The following DSE variants were observed in gnomAD, a reference collection of about 807,000 sequenced individuals.
The protein encoded by DSE is dermatan-sulfate epimerase.
A neutral mutation model predicts 84.4 loss-of-function variants in DSE; 36 were observed. The ratio of observed to expected loss-of-function variants is 0.43; its 90% CI spans 0.33 to 0.56. The LOEUF (loss-of-function observed/expected upper bound fraction) is 0.56. Ranked by LOEUF, DSE falls within the 20% of genes least tolerant of loss-of-function variation. DSE has a pLI of 0.06. For synonymous variants in DSE, 410 were observed against 430.1 expected, an observed-to-expected ratio of 0.95 and a Z score of 0.58; for missense variants, 862 against 1,169.6, an observed-to-expected ratio of 0.74 and a Z score of 3.84.
chr6:116,350,912 GAAA>G (rs57384750), intron 2 of DSE, among the ~76,000 whole-genome samples: 1 of 141,560 alleles, frequency 7.1e-6, no homozygotes, highest in African/African-American at 2.5e-5. Flanking sequence ...CTTCCTTTTG[GAAA>G]AAAAAAAAAA....
intron 2 of DSE, among the ~76,000 whole-genome samples, chr6:116,356,978 A>G (rs1778611060): frequency 6.6e-6 from 1 of 152,184 alleles, no homozygotes; most frequent in African/African-American, 2.4e-5. Flanking sequence ...ACCATCTCAC[A>G]TTATTAGTTT....
intron 2 of DSE, among the ~76,000 whole-genome samples, chr6:116,313,787 A>G (rs745775033): frequency 6.6e-6 from 1 of 152,206 alleles, no homozygotes; most frequent in Non-Finnish European, 1.5e-5. Context: ...AATAAAGAAC[A>G]GATTTTAACT....
intron 2 of DSE, among the ~76,000 whole-genome samples, chr6:116,327,190 G>C (rs562066710): frequency 2.0e-5 from 3 of 152,156 alleles, no homozygotes; most frequent in Admixed American, 2.0e-4. Context: ...TTCTGCTCCA[G>C]AACAAACTCT....
intron 3 of DSE, among the ~76,000 whole-genome samples, chr6:116,430,365 T>C (rs183656063): frequency 1.6e-4 from 25 of 152,362 alleles, no homozygotes; most frequent in Admixed American, 1.6e-3. Context: ...AGATAAACTT[T>C]TAAAAATATT....
intron 1 of DSE, among the ~76,000 whole-genome samples, chr6:116,384,152 T>G (rs1780431314): frequency 6.6e-6 from 1 of 152,174 alleles, no homozygotes; most frequent in Admixed American, 6.6e-5. Flanking sequence ...CACTTTAAAT[T>G]TCAAAACAGA....
intron 2 of DSE, among the ~76,000 whole-genome samples, chr6:116,418,840 T>C (rs3777995): frequency 0.72 from 109,000 of 151,794 alleles, 39,518 homozygotes; most frequent in Admixed American, 0.78. Flanking sequence ...ACTGTGTGGC[T>C]CTGAACAAGT....
intron 2 of DSE, among the ~76,000 whole-genome samples, chr6:116,284,308 G>A (rs1286132371): frequency 6.6e-6 from 1 of 152,072 alleles, no homozygotes; most frequent in Admixed American, 6.5e-5. Flanking sequence ...ACAACATCCA[G>A]TGTGTCACAT....
At chr6:116,391,826 C>T (rs1450296090) in intron 1 of DSE, among the ~76,000 whole-genome samples, 9 of 150,398 alleles carry the variant, frequency 6.0e-5, no homozygotes, top group East Asian at 1.9e-4. Flanking sequence ...TCTGAGTCCA[C>T]GGGCTTTACA....
rs1369816665 is a variant in DSE at position 116,435,638 on chromosome 6, A to G, written c.1170A>G (p.Thr390=). 5.6e-6 allele frequency: 9 copies of G among 1,613,366 alleles called. No individual in the cohort carries two copies. Among genetic ancestry groups the G allele is most frequent in the East Asian group, 2.2e-5 (1 of 44,874 alleles). The part of the protein sequence containing the change: ...SVPPPDFGTP[T]LHYFEDWGVV... ...CTCCTCCAGACTTTGGCACCCCTAC[A>G]CTGCATTATTTTGAAGACTGGGGTG... The change falls in exon 6 of 6, where the codon ACA becomes ACG. Residue 390 remains threonine, a synonymous_variant. Transcript: ENST00000644252.
At chr6:116,266,418 G>T (rs574394522) in intron 2 of DSE, among the ~76,000 whole-genome samples, 65 of 152,248 alleles carry the variant, frequency 4.3e-4, no homozygotes, top group Middle Eastern at 3.4e-3. Context: ...ATCAAAACTT[G>T]CAGAATGAGT....
chr6:116,258,548 T>C, exon 2 of DSE: 1 of 1,452,140 alleles, frequency 6.9e-7, no homozygotes, highest in Non-Finnish European at 9.7e-7. Flanking sequence ...TTCTTCTTAA[T>C]GGCATAGGAG....
In DSE at chr6:116,258,273, C is replaced by T. The variant is rs1231672627; in HGVS notation, c.-575-173C>T. Among the ~76,000 whole-genome samples, 7 of 152,270 alleles carry T rather than the reference C, an allele frequency of 4.6e-5. No individual in the cohort carries two copies. The East Asian group carries it at 1.4e-3, about 29-fold the overall frequency. ...TCAGGTGATCTGCCCGCCTTGGCCT[C>T]TCAAAGAGCTGGGATTACAGGTGTG... On this transcript the variant is annotated intron_variant, in intron 1 of 3. Coordinates refer to the DSE transcript ENST00000430252.
intron 1 of DSE, among the ~76,000 whole-genome samples, chr6:116,386,167 A>C (rs959496808): frequency 6.6e-6 from 1 of 152,238 alleles, no homozygotes; most frequent in African/African-American, 2.4e-5. Context: ...TTCTGGGTGT[A>C]AGTCAGAGAA....
chr6:116,417,135 T>A (rs1178301862), intron 2 of DSE, among the ~76,000 whole-genome samples: 3 of 152,206 alleles, frequency 2.0e-5, no homozygotes, highest in Non-Finnish European at 4.4e-5. Flanking sequence ...GTTCCTAAAT[T>A]TGAATAATTT....
intron 2 of DSE, among the ~76,000 whole-genome samples, chr6:116,283,689 A>C (rs566432373): frequency 6.6e-6 from 1 of 152,048 alleles, no homozygotes; most frequent in Non-Finnish European, 1.5e-5. Flanking sequence ...GACTACAGAC[A>C]CTGGCCACCA....
chr6:116,289,706 A>G (rs980732978), intron 2 of DSE, among the ~76,000 whole-genome samples: 16 of 152,230 alleles, frequency 1.1e-4, no homozygotes, highest in African/African-American at 3.8e-4. Context: ...GTCATTTACT[A>G]CTTTCCACAT....
Position 116,371,096 on chromosome 6 carries a change from A to C in DSE, c.-79A>C. The C allele has an allele frequency of 1.0e-6, 1 of 986,144 alleles. No homozygotes were observed. The highest frequency in any genetic ancestry group is 1.2e-6 in the Non-Finnish European group (1 of 830,604). 61.1% of individuals were successfully genotyped at this position (986,144 alleles called of 1,614,324 possible). A position where few individuals can be genotyped will look rare whatever the true frequency, so the allele number is the denominator to read the frequency against. On this transcript the variant is annotated 5_prime_UTR_variant, in exon 1 of 6. Transcript: ENST00000644252. ...CTGGAGGCTGCGGAGGCGACGCCGG[A>C]GAGAACGAAGCCTCGGCTGGGAGCG...
At chr6:116,378,686 C>A (rs1409949389) in intron 1 of DSE, among the ~76,000 whole-genome samples, 3 of 152,120 alleles carry the variant, frequency 2.0e-5, no homozygotes, top group African/African-American at 7.2e-5. Context: ...ATTTGATATT[C>A]ATATGCATCA....
chr6:116,280,125 C>T (rs772488803), intron 2 of DSE: 1 of 472,984 alleles, frequency 2.1e-6, no homozygotes, highest in East Asian at 4.6e-5. Context: ...GAAGCGCGGA[C>T]GACCCACCTT....
Sources: allele counts gnomAD v4.1 joint callset (sites outside exome capture counted in the v4.1 genomes callset), GRCh38; gene constraint gnomAD v4.1.1; transcripts MANE v1.5; gene names NCBI Gene and HGNC (gene_info 2026-07-23, HGNC 2026-07-21).